TWSG1: variants seen among roughly 807,000 people sequenced by gnomAD.
TWSG1 encodes the protein twisted gastrulation BMP signaling modulator 1.
TWSG1 carries 15 observed loss-of-function variants against 23.0 expected under a neutral mutation model. The ratio of observed to expected loss-of-function variants is 0.65; its 90% CI spans 0.44 to 1.00. The LOEUF is 1.00. TWSG1 is among the 50% of genes least tolerant of loss of function. The pLI is 0.00. For missense variants in TWSG1, 242 were observed against 278.7 expected (o/e 0.87, Z 0.94); for synonymous variants, 86 against 92.8 (o/e 0.93, Z 0.42).
At chr18:9,373,616 G>T (rs1367001365) in intron 3 of TWSG1, among the ~76,000 whole-genome samples, 3 of 152,168 alleles carry the variant, frequency 2.0e-5, no homozygotes, top group African/African-American at 7.2e-5. Context: ...TATAGTTGAA[G>T]ACTTCAACCC....
intron 4 of TWSG1, 37 bp downstream of exon 4, chr18:9,396,583 C>T (rs779859633): frequency 1.3e-6 from 2 of 1,594,816 alleles, no homozygotes; most frequent in South Asian, 1.1e-5. Flanking sequence ...ATTCCGCCCC[C>T]TCATGTGGTC....
At chr18:9,343,942 C>G (rs908453022) in intron 2 of TWSG1, among the ~76,000 whole-genome samples, 3 of 152,100 alleles carry the variant, frequency 2.0e-5, no homozygotes, top group African/African-American at 7.2e-5. Context: ...TGTTTACTGC[C>G]TGTGCACACA....
intron 2 of TWSG1, among the ~76,000 whole-genome samples, chr18:9,358,536 G>C (rs1318767348): frequency 6.6e-6 from 1 of 152,190 alleles, no homozygotes; most frequent in African/African-American, 2.4e-5. Context: ...AAACTGTCCA[G>C]TGCAGGTGCC....
intron 2 of TWSG1, among the ~76,000 whole-genome samples, chr18:9,351,616 T>C (rs973586460): frequency 6.1e-5 from 8 of 131,114 alleles, no homozygotes; most frequent in African/African-American, 2.3e-4. Context: ...CAGTGTACCA[T>C]GCTGGGTTTT....
intron 3 of TWSG1, among the ~76,000 whole-genome samples, chr18:9,393,121 A>G (rs1411767777): frequency 1.3e-5 from 2 of 152,372 alleles, no homozygotes; most frequent in East Asian, 3.9e-4. Flanking sequence ...AGCCCATGCT[A>G]TTGGGAAAAT....
chr18:9,396,302 T>C lies in TWSG1; in HGVS notation c.246T>C (p.Tyr82=), dbSNP rs765762336. Residue 82 remains tyrosine, a synonymous_variant, in exon 4 of 5, where the codon TAT becomes TAC. Transcript: ENST00000262120. ...CAGGTATGTGTAATCCTCGAAATTA[T>C]AGTGACACACCTCCAACTTCAAAGA... ...DCVGMCNPRN[Y]SDTPPTSKST... 11 of 1,614,212 alleles carry C rather than the reference T, an allele frequency of 6.8e-6. No individual in the cohort carries two copies. The highest frequency in any genetic ancestry group is 6.7e-5 in the Admixed American group (4 of 60,024).
At chr18:9,383,455 G>A (rs767231218) in intron 3 of TWSG1, among the ~76,000 whole-genome samples, 1 of 152,124 alleles carries the variant, frequency 6.6e-6, no homozygotes, top group Non-Finnish European at 1.5e-5. Flanking sequence ...GCCTCCCAAA[G>A]TGCTGGGATT....
intron 3 of TWSG1, among the ~76,000 whole-genome samples, chr18:9,368,113 C>G (rs537986478): frequency 6.6e-6 from 1 of 152,310 alleles, no homozygotes; most frequent in African/African-American, 2.4e-5. Flanking sequence ...TCTCCATGCC[C>G]TCCCTCTCCA....
chr18:9,396,168 AAGGT>A (rs1240859360), intron 3 of TWSG1, 108 bp from the exon 4 acceptor site: 1 of 772,114 alleles, frequency 1.3e-6, no homozygotes, highest in African/African-American at 1.9e-5. Flanking sequence ...AAAAAAAAAA[AAGGT>A]AGGAAAATAT....
At chr18:9,381,429 G>A (rs2040655614) in intron 3 of TWSG1, among the ~76,000 whole-genome samples, 1 of 152,076 alleles carries the variant, frequency 6.6e-6, no homozygotes. Flanking sequence ...ATTTTTAATA[G>A]CCTTGTCCAA....
intron 3 of TWSG1, among the ~76,000 whole-genome samples, chr18:9,382,542 G>C (rs1443443866): frequency 6.6e-6 from 1 of 150,508 alleles, no homozygotes; most frequent in Non-Finnish European, 1.5e-5. Context: ...GGCTGGGTGC[G>C]GTGGCTCACA....
At chr18:9,380,523 T>C (rs577378583) in intron 3 of TWSG1, among the ~76,000 whole-genome samples, 1 of 152,360 alleles carries the variant, frequency 6.6e-6, no homozygotes, top group East Asian at 1.9e-4. Context: ...TGATAACTGT[T>C]ACTCTTGAGC....
intron 3 of TWSG1, among the ~76,000 whole-genome samples, chr18:9,364,519 G>C (rs1294485188): frequency 6.6e-6 from 1 of 152,204 alleles, no homozygotes. Context: ...ACAGCCAGGT[G>C]TGGTGGCTCA....
At chr18:9,356,959 C>G (rs1254593839) in intron 2 of TWSG1, among the ~76,000 whole-genome samples, 1 of 135,500 alleles carries the variant, frequency 7.4e-6, no homozygotes, top group African/African-American at 2.7e-5. Context: ...TAAGTGCTAA[C>G]CTTTATAAAT....
At chr18:9,380,037 T>C (rs139137216) in intron 3 of TWSG1, among the ~76,000 whole-genome samples, 33 of 152,368 alleles carry the variant, frequency 2.2e-4, no homozygotes, top group African/African-American at 7.9e-4. Context: ...ATTCCCTATA[T>C]ACTGTGTGGC....
chr18:9,360,138 T>A lies in TWSG1; in HGVS notation c.223+67T>A, dbSNP rs1450575996. Reference sequence around the variant, plus strand: ...CAGAATCCTTGGCTTTAAGAGACTTTAAGGAATATAAATGTAGTTTATGTG... The same window carrying A: ...CAGAATCCTTGGCTTTAAGAGACTTAAAGGAATATAAATGTAGTTTATGTG... On this transcript the variant is annotated intron_variant, in intron 3 of 4. Transcript: ENST00000262120. 7 of 1,281,468 alleles carry A rather than the reference T, an allele frequency of 5.5e-6. No homozygotes were observed. In the Admixed American group the frequency reaches 1.3e-4, roughly 23 times the overall value. The allele number at this position is 1,281,468 out of a possible 1,614,324, so 79.4% of individuals were successfully genotyped here.
intron 2 of TWSG1, among the ~76,000 whole-genome samples, chr18:9,354,127 A>G (rs2040514330): frequency 6.6e-6 from 1 of 152,254 alleles, no homozygotes; most frequent in Non-Finnish European, 1.5e-5. Flanking sequence ...TTCTCATTTT[A>G]ATGTTTACAA....
intron 3 of TWSG1, among the ~76,000 whole-genome samples, chr18:9,361,195 A>AT (rs1234321032): frequency 6.6e-6 from 1 of 152,024 alleles, no homozygotes; most frequent in Non-Finnish European, 1.5e-5. Flanking sequence ...CCTTGTATTA[A>AT]TTTTTTAAAT....
At chr18:9,368,610 C>G (rs2040590469) in intron 3 of TWSG1, among the ~76,000 whole-genome samples, 1 of 151,328 alleles carries the variant, frequency 6.6e-6, no homozygotes, top group Non-Finnish European at 1.5e-5. Flanking sequence ...GTCAGGAGTT[C>G]AAGATCAGGC....
Sources: gnomAD v4.1 joint callset for allele counts (sites outside exome capture counted in the v4.1 genomes callset) on GRCh38, gnomAD v4.1.1 for gene constraint, MANE v1.5 for transcripts, NCBI Gene and HGNC (gene_info 2026-07-23, HGNC 2026-07-21) for gene names.